The following IPO8 variants were observed in gnomAD, a reference collection of about 807,000 sequenced individuals.
IPO8 encodes importin-8.
Under a neutral mutation model 141.2 loss-of-function variants are expected in IPO8, and 65 were observed. That is an observed-to-expected ratio of 0.46 (90% CI 0.38 to 0.57). IPO8 has a LOEUF of 0.57. Ranked by LOEUF, IPO8 falls within the 20% of genes least tolerant of loss-of-function variation. The pLI is 0.00. For missense variants in IPO8, 980 were observed against 1,246.8 expected, an observed-to-expected ratio of 0.79 and a Z score of 3.22; for synonymous variants, 411 against 420.3, an observed-to-expected ratio of 0.98 and a Z score of 0.27.
rs534936826 is a variant in IPO8 at position 30,657,683 on chromosome 12, G to A, written c.1882-933C>T. On this transcript the variant is annotated intron_variant, in intron 16 of 24. Transcript: ENST00000256079. ...TTATATCCACTAAACCGGGACTGGT[G>A]AAATAAATTTGACACATCATACAAG... Among the ~76,000 whole-genome samples the A allele has an allele frequency of 7.9e-4, 120 of 152,182 alleles. 1 individual carries two copies. In the South Asian group the frequency reaches 8.9e-3, roughly 11 times the overall value.
In IPO8 at chr12:30,631,914, C is replaced by T. The variant is rs2052438138; in HGVS notation, c.2997G>A (p.Glu999=). ...TALQEVYTLA[E]HRRTVAEAKK... is the part of the protein sequence containing the mutation. ...GCTGACCTGCCACCGTCCGTCGGTG[C>T]TCTGCCAGTGTGTACACCTCCTGCA... is the stretch of plus-strand genomic sequence containing the variant. Residue 999 remains glutamate, a synonymous_variant, in exon 24 of 25, where the codon GAG becomes GAA. Coordinates refer to ENST00000256079, the MANE Select transcript of IPO8 (RefSeq NM_006390.4). 4 of 1,611,850 alleles carry T rather than the reference C, an allele frequency of 2.5e-6. No homozygotes were observed. Among genetic ancestry groups the T allele is most frequent in the African/African-American group, 2.7e-5 (2 of 75,006 alleles).
intron 22 of IPO8, among the ~76,000 whole-genome samples, chr12:30,636,297 T>A (rs1438136012): frequency 6.6e-6 from 1 of 152,080 alleles, no homozygotes; most frequent in African/African-American, 2.4e-5. Context: ...TAACAAAGTA[T>A]CTGTTTTTAA....
chr12:30,653,326 A>G (rs757143524), intron 17 of IPO8, among the ~76,000 whole-genome samples: 35 of 152,066 alleles, frequency 2.3e-4, no homozygotes, highest in Non-Finnish European at 4.1e-4. Flanking sequence ...TGTTTTCACT[A>G]AACTTTCTTA....
intron 21 of IPO8, among the ~76,000 whole-genome samples, chr12:30,637,975 G>T (rs1565493126): frequency 6.6e-6 from 1 of 152,144 alleles, no homozygotes; most frequent in Non-Finnish European, 1.5e-5. Flanking sequence ...TTCATTATTT[G>T]CATTCCTTGA....
chr12:30,639,150 G>C (rs2052543721), intron 21 of IPO8, among the ~76,000 whole-genome samples: 1 of 151,804 alleles, frequency 6.6e-6, no homozygotes, highest in Non-Finnish European at 1.5e-5. Flanking sequence ...TTGCCAGAGG[G>C]GTACCATCCT....
In IPO8 at chr12:30,656,666, T is replaced by C; in HGVS notation, c.1948+18A>G. ...AAAATTTTTTCAATTTATCTTTTTA[T>C]TTAACCTTTGAACTTACCAATTACA... On this transcript the variant is annotated intron_variant, in intron 17 of 24. Transcript: ENST00000256079. 6.8e-7 allele frequency: 1 copy of C among 1,474,488 alleles called. No individual in the cohort carries two copies. Among genetic ancestry groups the C allele is most frequent in the Non-Finnish European group, 9.2e-7 (1 of 1,083,664 alleles). The allele number at this position is 1,474,488 out of a possible 1,614,324, so 91.3% of individuals were successfully genotyped here. A position where few individuals can be genotyped will look rare whatever the true frequency, so the allele number is the denominator to read the frequency against.
intron 2 of IPO8, chr12:30,686,568 G>C (rs2053244636): frequency 6.6e-6 from 1 of 152,036 alleles, no homozygotes; most frequent in African/African-American, 2.4e-5. Context: ...GGCTGGTCTT[G>C]AACTCCTGGG....
intron 17 of IPO8, among the ~76,000 whole-genome samples, chr12:30,656,271 CAA>C (rs1280626180): frequency 1.3e-5 from 2 of 152,110 alleles, no homozygotes; most frequent in Non-Finnish European, 2.9e-5. Context: ...CTTCTGGACT[CAA>C]GCAATTCACC....
intron 5 of IPO8, 39 bp from the exon 6 acceptor site, chr12:30,676,626 C>A: frequency 6.9e-7 from 1 of 1,444,022 alleles, no homozygotes; most frequent in South Asian, 1.1e-5. Flanking sequence ...TAATTCCTCC[C>A]ATCCAAAAAA....
chr12:30,652,826 A>G, intron 18 of IPO8, 141 bp downstream of exon 18: 2 of 767,472 alleles, frequency 2.6e-6, no homozygotes, highest in Admixed American at 2.9e-5. Flanking sequence ...CACTGCTACA[A>G]TAGCCCCAGC....
At chr12:30,684,150 A>G in intron 3 of IPO8, 151 bp downstream of exon 3, 1 of 624,908 alleles carries the variant, frequency 1.6e-6, no homozygotes, top group Non-Finnish European at 2.7e-6. Context: ...AAAGACCACT[A>G]AGTAAAATAA....
chr12:30,643,984 CCTT>C (rs773849639), intron 20 of IPO8, among the ~76,000 whole-genome samples: 5 of 152,212 alleles, frequency 3.3e-5, no homozygotes, highest in Admixed American at 6.5e-5. Context: ...TGCTTTACTA[CCTT>C]CTTATTTTGT....
chr12:30,693,077 T>C (rs2053306320), intron 1 of IPO8, among the ~76,000 whole-genome samples: 2 of 152,188 alleles, frequency 1.3e-5, no homozygotes, highest in Non-Finnish European at 2.9e-5. Context: ...AAGCAGAGAT[T>C]CAAAAGCTTG....
chr12:30,686,084 G>A (rs1565510837), intron 2 of IPO8, among the ~76,000 whole-genome samples: 1 of 152,028 alleles, frequency 6.6e-6, no homozygotes, highest in Non-Finnish European at 1.5e-5. Context: ...TTCCATCTAT[G>A]ATTTCAATTC....
Position 30,631,890 on chromosome 12 carries a change from C to A in IPO8, c.3016+5G>T. ...CACTCCACTCTGGAGGTTACTCTGG[C>A]TGACCTGCCACCGTCCGTCGGTGCT... is the stretch of plus-strand genomic sequence containing the variant. On this transcript the variant is annotated splice_donor_5th_base_variant and intron_variant, in intron 24 of 24. Coordinates refer to ENST00000256079, the MANE Select transcript of IPO8 (RefSeq NM_006390.4). 6.2e-7 allele frequency: 1 copy of A among 1,602,530 alleles called. No individual in the cohort carries two copies. The highest frequency in any genetic ancestry group is 8.5e-7 in the Non-Finnish European group (1 of 1,172,016).
At position 30,695,432 on chromosome 12, in the gene IPO8, G is replaced by A. The variant is rs1291209926; in HGVS notation, c.84+132C>T. On this transcript the variant is annotated intron_variant, in intron 1 of 24. Transcript: ENST00000256079. This position sits in a 1 kb window ranked among gnomAD's most constrained non-coding sequence, Gnocchi z 4.2. ...GACCGGGGGGCAGCGGGGTCGGAGAGCGGGACCAGCCGTGAGGCGTCAGCC... is the reference window on the plus strand; with the variant it reads ...GACCGGGGGGCAGCGGGGTCGGAGAACGGGACCAGCCGTGAGGCGTCAGCC... The A allele has an allele frequency of 8.5e-6, 6 of 708,252 alleles. No homozygotes were observed. Among genetic ancestry groups the A allele is most frequent in the Non-Finnish European group, 1.4e-5 (6 of 416,964 alleles). The allele number at this position is 708,252 out of a possible 1,614,324, so 43.9% of individuals were successfully genotyped here. A position where few individuals can be genotyped will look rare whatever the true frequency, so the allele number is the denominator to read the frequency against.
chr12:30,662,265 G>T, intron 15 of IPO8, 62 bp downstream of exon 15: 2 of 1,315,422 alleles, frequency 1.5e-6, no homozygotes, highest in African/African-American at 1.5e-5. Context: ...TCCATATTTT[G>T]GAGTTTATTT....
chr12:30,667,940 A>G (rs2052990307), intron 10 of IPO8, among the ~76,000 whole-genome samples: 1 of 152,264 alleles, frequency 6.6e-6, no homozygotes, highest in South Asian at 2.1e-4. Context: ...GTTCGAAACC[A>G]GCCTGGGAAA....
chr12:30,668,512 T>C (rs2053001122), intron 10 of IPO8, among the ~76,000 whole-genome samples: 1 of 152,152 alleles, frequency 6.6e-6, no homozygotes, highest in Non-Finnish European at 1.5e-5. Context: ...AGACAGAAAA[T>C]GCAAAATTAA....
Sources: gnomAD v4.1 joint callset for allele counts (sites outside exome capture counted in the v4.1 genomes callset) on GRCh38, gnomAD v4.1.1 for gene constraint, Gnocchi (gnomAD v3.1) non-coding constraint, MANE v1.5 for transcripts, NCBI Gene and HGNC (gene_info 2026-07-23, HGNC 2026-07-21) for gene names.